GALNT9: variants seen among roughly 807,000 people sequenced by gnomAD.
GALNT9 encodes the protein polypeptide N-acetylgalactosaminyltransferase 9.
Under a neutral mutation model 63.1 loss-of-function variants are expected in GALNT9, and 47 were observed. That is an observed-to-expected ratio of 0.75 (90% CI 0.59 to 0.95). The LOEUF is 0.95. GALNT9 is among the 40% of genes least tolerant of loss of function. The pLI, the probability that GALNT9 is intolerant of heterozygous loss-of-function variation, is 0.00. For synonymous variants in GALNT9, 396 were observed against 365.7 expected, an observed-to-expected ratio of 1.08 and a Z score of -0.94; for missense variants, 829 against 874.8, an observed-to-expected ratio of 0.95 and a Z score of 0.66.
At chr12:132,218,266 C>T (rs1877300284) in intron 6 of GALNT9, among the ~76,000 whole-genome samples, 1 of 152,192 alleles carries the variant, frequency 6.6e-6, no homozygotes, top group African/African-American at 2.4e-5. Flanking sequence ...CCCTGTGTTC[C>T]CAGCCCAGGC....
intron 6 of GALNT9, among the ~76,000 whole-genome samples, chr12:132,219,211 G>C (rs983326913): frequency 3.9e-5 from 6 of 152,176 alleles, no homozygotes; most frequent in African/African-American, 1.4e-4. Context: ...TGAGGATACA[G>C]TTTAGGTCAT....
intron 6 of GALNT9, among the ~76,000 whole-genome samples, chr12:132,215,657 G>C (rs1003271615): frequency 7.9e-5 from 12 of 152,236 alleles, no homozygotes; most frequent in Non-Finnish European, 1.6e-4. Flanking sequence ...GTATCATCAG[G>C]ACACACATGC....
In GALNT9 at chr12:132,245,947, G is replaced by A. The variant is rs1290463488; in HGVS notation, c.1077+1963C>T. Among the ~76,000 whole-genome samples, 4 of 152,218 alleles carry A rather than the reference G, an allele frequency of 2.6e-5. No homozygotes were observed. The highest frequency in any genetic ancestry group is 1.3e-4 in the Admixed American group (2 of 15,290). On this transcript the variant is annotated intron_variant, in intron 6 of 10. Coordinates refer to ENST00000328957, the MANE Select transcript of GALNT9 (RefSeq NM_001122636.2). This position sits in a 1 kb window ranked among gnomAD's most constrained non-coding sequence, Gnocchi z 6.3. ...CCGTCCTCCCTCGCTCTTCGGCCTCGGTGGTGGCTGCGCACTGCCGGTCCC... is the reference window on the plus strand; with the variant it reads ...CCGTCCTCCCTCGCTCTTCGGCCTCAGTGGTGGCTGCGCACTGCCGGTCCC...
intron 7 of GALNT9, among the ~76,000 whole-genome samples, chr12:132,202,046 C>T (rs1260181967): frequency 6.6e-6 from 1 of 152,232 alleles, no homozygotes; most frequent in African/African-American, 2.4e-5. Flanking sequence ...AATCCCGTCA[C>T]CTTCTGGTAT....
At chr12:132,326,797 G>T (rs1039568811) in intron 1 of GALNT9, among the ~76,000 whole-genome samples, 3 of 152,222 alleles carry the variant, frequency 2.0e-5, no homozygotes, top group African/African-American at 7.2e-5. Flanking sequence ...AGAGCTGGCC[G>T]CCTCCTCCAG....
chr12:132,257,862 G>A lies in GALNT9; in HGVS notation c.786C>T (p.Ile262=). ...TGWAEPALSR[I]REDRRRIVLP... ...GCACGATGCGACGCCGGTCCTCTCG[G>A]ATCCGCGACAGTGCGGGCTCGGCCC... Residue 262 remains isoleucine (I), a synonymous_variant, in exon 5 of 11, where the codon ATC becomes ATT. Transcript: ENST00000328957. 6.5e-7 allele frequency: 1 copy of A among 1,547,538 alleles called. No individual in the cohort carries two copies. The highest frequency in any genetic ancestry group is 8.7e-7 in the Non-Finnish European group (1 of 1,146,184).
intron 6 of GALNT9, among the ~76,000 whole-genome samples, chr12:132,206,962 G>T (rs139230974): frequency 0.013 from 1,904 of 152,320 alleles, 41 homozygotes; most frequent in African/African-American, 0.043. Flanking sequence ...CTGCTTGGGA[G>T]GCTGAGGCGG....
intron 1 of GALNT9, among the ~76,000 whole-genome samples, chr12:132,303,641 ACACACCCTCGCCTGGG>A (rs1881417752): frequency 3.0e-5 from 1 of 33,436 alleles, no homozygotes; most frequent in African/African-American, 2.1e-4. Flanking sequence ...AATCGCCCAG[ACACACCCTCGCCTGGG>A]CACACCCTCA....
Position 132,238,681 on chromosome 12 carries a change from A to C in GALNT9, c.1077+9229T>G, listed in dbSNP as rs1281336142. 1.3e-5 allele frequency among the ~76,000 whole-genome samples: 2 copies of C among 151,966 alleles called. No individual in the cohort carries two copies. The highest frequency in any genetic ancestry group is 4.8e-5 in the African/African-American group (2 of 41,352). ...TCTGCTGCGTGGCCCTGGGCAGGTC[A>C]CTCAGCCTCTCTGGGCCTCAGCTCC... On this transcript the variant is annotated intron_variant, in intron 6 of 10. Transcript: ENST00000328957. The surrounding 1 kb of genome is among the most constrained non-coding windows in gnomAD (Gnocchi z 6.5).
chr12:132,228,339 CCGT>C (rs1877774328), intron 6 of GALNT9, among the ~76,000 whole-genome samples: 4,328 of 150,592 alleles, frequency 0.029, 119 homozygotes, highest in Middle Eastern at 0.059. Context: ...GCGGGGCGGC[CCGT>C]CAGCACCTCC....
At chr12:132,210,571 C>T (rs145563461) in intron 6 of GALNT9, among the ~76,000 whole-genome samples, 47 of 152,234 alleles carry the variant, frequency 3.1e-4, no homozygotes, top group African/African-American at 9.6e-4. Flanking sequence ...CAGCTCTGAG[C>T]GGAGATGGGT....
rs782169459 is a variant in GALNT9, at chr12:132,257,851, C to T, written c.797G>A (p.Arg266Gln). Reference sequence around the variant, plus strand: ...GATGGCTGGCAGCACGATGCGACGCCGGTCCTCTCGGATCCGCGACAGTGC... The same window carrying T: ...GATGGCTGGCAGCACGATGCGACGCTGGTCCTCTCGGATCCGCGACAGTGC... ...EPALSRIRED[R>Q]RRIVLPAIDN... Residue 266 changes from arginine (R) to glutamine (Q), a missense_variant, in exon 5 of 11, where the codon CGG becomes CAG. Physicochemically the swap from Arg to Gln is conservative, Grantham distance 43 (BLOSUM62 1). Coordinates refer to ENST00000328957, the MANE Select transcript of GALNT9 (RefSeq NM_001122636.2). 4.3e-5 allele frequency: 66 copies of T among 1,548,314 alleles called. No homozygotes were observed. The highest frequency in any genetic ancestry group is 2.0e-4 in the Admixed American group (10 of 50,966).
At chr12:132,202,023 C>T (rs73486333) in intron 7 of GALNT9, among the ~76,000 whole-genome samples, 2,511 of 152,364 alleles carry the variant, frequency 0.016, 66 homozygotes, top group African/African-American at 0.057. Context: ...TTGGCCTTCA[C>T]GGCCTGGGCT....
Position 132,199,242 on chromosome 12 carries a change from A to G in GALNT9, c.1429T>C (p.Cys477Arg), listed in dbSNP as rs754272246. Reference protein sequence around the residue: ...EVRNSKASAYCLDQGAEDGDR... With the variant: ...EVRNSKASAYRLDQGAEDGDR... Reference sequence around the variant, plus strand: ...CCGTCCTCCGCTCCCTGGTCCAGACAGTAGGCACTGGCTTTGCTGTTTCTC... The same window carrying G: ...CCGTCCTCCGCTCCCTGGTCCAGACGGTAGGCACTGGCTTTGCTGTTTCTC... Residue 477 changes from cysteine (C) to arginine (R), a missense_variant, in exon 9 of 11, where the codon TGT becomes CGT. Cys to Arg is a radical substitution (Grantham distance 180). Transcript: ENST00000328957. 2.5e-6 allele frequency: 4 copies of G among 1,605,200 alleles called. No homozygotes were observed. The South Asian group carries it at 4.4e-5, about 18-fold the overall frequency.
chr12:132,303,449 GCACACCCTCGCCCGGA>G (rs61713658), intron 1 of GALNT9, among the ~76,000 whole-genome samples: 798 of 77,902 alleles, frequency 0.01, 97 homozygotes, highest in African/African-American at 0.045. Flanking sequence ...CCTCGCCCGG[GCACACCCTCGCCCGGA>G]CACACCCTCA....
Position 132,328,954 on chromosome 12 carries a change from G to T in GALNT9, c.238+12C>A. 6.6e-7 allele frequency: 1 copy of T among 1,509,866 alleles called. No homozygotes were observed. 93.5% of individuals were successfully genotyped at this position (1,509,866 alleles called of 1,614,324 possible). On this transcript the variant is annotated intron_variant, in intron 1 of 10. Coordinates refer to ENST00000328957, the MANE Select transcript of GALNT9 (RefSeq NM_001122636.2). Reference sequence around the variant, plus strand: ...AGGGCTGCCCCCACTCCGCCCCGGCGCCCCCGCTCACCGTTGAGCTGGTTG... The same window carrying T: ...AGGGCTGCCCCCACTCCGCCCCGGCTCCCCCGCTCACCGTTGAGCTGGTTG...
Position 132,257,699 on chromosome 12 carries a change from C to G in GALNT9, c.949G>C (p.Ala317Pro). 3.9e-6 allele frequency: 6 copies of G among 1,549,432 alleles called. No homozygotes were observed. Among genetic ancestry groups the G allele is most frequent in the Non-Finnish European group, 5.2e-6 (6 of 1,146,526 alleles). Residue 317 changes from alanine (A) to proline (P), a missense_variant, in exon 5 of 11, where the codon GCA becomes CCA. Ala to Pro is a conservative substitution (Grantham distance 27, BLOSUM62 -1). Coordinates refer to ENST00000328957, the MANE Select transcript of GALNT9 (RefSeq NM_001122636.2). ...QDWLDRGDES[A>P]PIRTPAMIGC... ...GAGGGCGCAGCTCACCTGATGGGTGCTGACTCGTCGCCGCGGTCCAGCCAG... is the reference window on the plus strand; with the variant it reads ...GAGGGCGCAGCTCACCTGATGGGTGGTGACTCGTCGCCGCGGTCCAGCCAG...
rs959261811 is a variant in GALNT9 at position 132,279,884 on chromosome 12, G to T, written c.419+6366C>A. 1 of 152,142 alleles carries T rather than the reference G, an allele frequency of 6.6e-6. No homozygotes were observed. The highest frequency in any genetic ancestry group is 2.4e-5 in the African/African-American group (1 of 41,410). 9.4% of individuals were successfully genotyped at this position (152,142 alleles called of 1,614,324 possible). A position where few individuals can be genotyped will look rare whatever the true frequency, so the allele number is the denominator to read the frequency against. ...ATGCCCAGTGTCCGCCAGGTCTCCTGGATTCACTGTGGTCCCTGCCTGGAT... is the reference window on the plus strand; with the variant it reads ...ATGCCCAGTGTCCGCCAGGTCTCCTTGATTCACTGTGGTCCCTGCCTGGAT... On this transcript the variant is annotated intron_variant, in intron 2 of 10. Transcript: ENST00000328957. The surrounding 1 kb of genome is among the most constrained non-coding windows in gnomAD (Gnocchi z 4.1).
At chr12:132,210,186 G>A (rs561526226) in intron 6 of GALNT9, among the ~76,000 whole-genome samples, 51 of 152,328 alleles carry the variant, frequency 3.3e-4, no homozygotes, top group African/African-American at 1.1e-3. Flanking sequence ...GCCCCGGGCT[G>A]GCACATCACA....
Sources: allele counts gnomAD v4.1 joint callset (sites outside exome capture counted in the v4.1 genomes callset), GRCh38; gene constraint gnomAD v4.1.1; non-coding constraint Gnocchi (gnomAD v3.1); transcripts MANE v1.5; gene names NCBI Gene and HGNC (gene_info 2026-07-23, HGNC 2026-07-21).